Variants in LARGE1 observed in about 807,000 individuals in gnomAD.
The protein encoded by LARGE1 is LARGE xylosyl- and glucuronyltransferase 1, also known as xylosyl- and glucuronyltransferase LARGE1.
LARGE1 carries 43 observed loss-of-function variants against 87.6 expected under a neutral mutation model. The observed-to-expected ratio is 0.49, with a 90% confidence interval of 0.38 to 0.63. The LOEUF is 0.63. Among genes scored for constraint, LARGE1 ranks in the 30% least tolerant of loss-of-function variants. LARGE1 has a pLI of 0.00. For missense variants in LARGE1, 802 were observed against 1,000.2 expected (o/e 0.80, Z 2.67); for synonymous variants, 434 against 394.6 (o/e 1.10, Z -1.18).
At chr22:33,729,222 T>C (rs530244901) in intron 2 of LARGE1, among the ~76,000 whole-genome samples, 1 of 152,206 alleles carries the variant, frequency 6.6e-6, no homozygotes, top group South Asian at 2.1e-4. Flanking sequence ...AAAGGCAATA[T>C]GCAATGGGGA....
At chr22:33,818,069 T>C (rs989185124) in intron 1 of LARGE1, among the ~76,000 whole-genome samples, 1 of 152,162 alleles carries the variant, frequency 6.6e-6, no homozygotes, top group Non-Finnish European at 1.5e-5. Context: ...ACAGGTTCTA[T>C]GCTTTAGTTT....
At position 33,461,471 on chromosome 22, in the gene LARGE1, T is replaced by C. The variant is rs115193539; in HGVS notation, c.788-29206A>G. Among the ~76,000 whole-genome samples, 757 of 152,150 alleles carry C rather than the reference T, an allele frequency of 5.0e-3. 7 individuals are homozygous for C. Among genetic ancestry groups the C allele is most frequent in the African/African-American group, 0.017 (710 of 41,508 alleles). ...TAGGTAATAAAAATGTTATGACCTT[T>C]GGACACAGGGCAGGGAACATCACAC... On this transcript the variant is annotated intron_variant, in intron 6 of 14. Coordinates refer to ENST00000397394, the MANE Select transcript of LARGE1 (RefSeq NM_133642.5).
chr22:33,682,163 A>G (rs1433583005), intron 2 of LARGE1, among the ~76,000 whole-genome samples: 1 of 152,230 alleles, frequency 6.6e-6, no homozygotes, highest in East Asian at 1.9e-4. Context: ...TGTTAGTTTT[A>G]TAGTTTTCTT....
chr22:33,810,858 G>T (rs1291863988), intron 1 of LARGE1, among the ~76,000 whole-genome samples: 1 of 151,890 alleles, frequency 6.6e-6, no homozygotes, highest in Non-Finnish European at 1.5e-5. Context: ...CAAGTAGCTG[G>T]GACTACAGGT....
At chr22:33,183,426 C>A (rs1052264866) in intron 11 of LARGE1, among the ~76,000 whole-genome samples, 2 of 151,934 alleles carry the variant, frequency 1.3e-5, no homozygotes, top group Non-Finnish European at 2.9e-5. Context: ...GGAAATTCTT[C>A]AAAAAAATTA....
intron 2 of LARGE1, chr22:33,744,408 T>G (rs2084003359): frequency 6.6e-6 from 1 of 152,102 alleles, no homozygotes. Context: ...CTATCCCCAC[T>G]CCCAGGAGGT....
intron 11 of LARGE1, among the ~76,000 whole-genome samples, chr22:33,210,265 C>T (rs1788424177): frequency 6.6e-6 from 1 of 152,248 alleles, no homozygotes. Flanking sequence ...GTATCCTTGT[C>T]CTCTTTGCCC....
chr22:33,626,807 G>C (rs903433004), intron 3 of LARGE1, among the ~76,000 whole-genome samples: 1 of 152,184 alleles, frequency 6.6e-6, no homozygotes, highest in Non-Finnish European at 1.5e-5. Flanking sequence ...GAACACCTCC[G>C]CACCCCATCT....
chr22:33,426,607 T>C (rs1250149494), intron 7 of LARGE1, among the ~76,000 whole-genome samples: 2 of 152,240 alleles, frequency 1.3e-5, no homozygotes, highest in Non-Finnish European at 1.5e-5. Context: ...TTTTCTCCTT[T>C]TGAATCTCTG....
exon 12 of LARGE1, chr22:33,163,288 G>A (rs772303933): frequency 6.6e-5 from 10 of 152,040 alleles, no homozygotes; most frequent in Non-Finnish European, 1.3e-4. Context: ...TTGTCACTTG[G>A]GCCTTGAATA....
chr22:33,417,045 T>C (rs2066525355), intron 7 of LARGE1, among the ~76,000 whole-genome samples: 1 of 151,762 alleles, frequency 6.6e-6, no homozygotes, highest in African/African-American at 2.4e-5. Flanking sequence ...TAGCTGGGAC[T>C]ACAGGCGTGT....
At chr22:33,466,099 C>T (rs1314147229) in intron 6 of LARGE1, among the ~76,000 whole-genome samples, 1 of 152,152 alleles carries the variant, frequency 6.6e-6, no homozygotes, top group Non-Finnish European at 1.5e-5. Flanking sequence ...CTGTCACTCC[C>T]TATACCCCGG....
rs140481706 is a variant in LARGE1 at position 33,263,940 on chromosome 22, C to A, written c.1730+40289G>T. On this transcript the variant is annotated intron_variant, in intron 11 of 11. Coordinates refer to the LARGE1 transcript ENST00000608642. ...TGCTACTTACTGTTATGACTTTGGG[C>A]AAATTACTTAACTTCTTTGTGCTTT... Among the ~76,000 whole-genome samples, 445 of 152,290 alleles carry A rather than the reference C, an allele frequency of 2.9e-3. 4 individuals are homozygous for A. Among genetic ancestry groups the A allele is most frequent in the African/African-American group, 9.6e-3 (401 of 41,564 alleles).
chr22:33,127,121 A>C, the LARGE1 span, among the ~76,000 whole-genome samples: 1 of 152,308 alleles, frequency 6.6e-6, no homozygotes, highest in South Asian at 2.1e-4. Flanking sequence ...CATTTGAGAG[A>C]ACAGATTTTT....
chr22:33,766,434 T>C (rs2084903150), intron 1 of LARGE1, among the ~76,000 whole-genome samples: 1 of 152,164 alleles, frequency 6.6e-6, no homozygotes, highest in Non-Finnish European at 1.5e-5. Flanking sequence ...GATCTGTTTG[T>C]TTTTGTTTGA....
At chr22:33,371,386 A>C (rs1244021954) in intron 9 of LARGE1, among the ~76,000 whole-genome samples, 1 of 152,230 alleles carries the variant, frequency 6.6e-6, no homozygotes, top group Non-Finnish European at 1.5e-5. Flanking sequence ...TTTCTGCTAC[A>C]TGTTTTAAAG....
intron 1 of LARGE1, among the ~76,000 whole-genome samples, chr22:33,815,522 A>G (rs2086623483): frequency 6.6e-6 from 1 of 152,198 alleles, no homozygotes; most frequent in African/African-American, 2.4e-5. Flanking sequence ...TTTTAAAATA[A>G]GTGGTTGAGG....
At chr22:33,823,396 G>GAT (rs1186340988) in intron 1 of LARGE1, among the ~76,000 whole-genome samples, 9 of 152,284 alleles carry the variant, frequency 5.9e-5, no homozygotes, top group African/African-American at 1.4e-4. Flanking sequence ...CCCAGAATCT[G>GAT]ATACAGTGCC....
chr22:33,521,444 A>G (rs1384072458), intron 6 of LARGE1, among the ~76,000 whole-genome samples: 1 of 152,226 alleles, frequency 6.6e-6, no homozygotes, highest in Non-Finnish European at 1.5e-5. Context: ...CCAACAGGCT[A>G]GCCCGGGTTT....
Sources: allele counts gnomAD v4.1 joint callset (sites outside exome capture counted in the v4.1 genomes callset), GRCh38; gene constraint gnomAD v4.1.1; transcripts MANE v1.5; gene names NCBI Gene and HGNC (gene_info 2026-07-23, HGNC 2026-07-21).